ANKUB1: variants seen among roughly 807,000 people sequenced by gnomAD.
ANKUB1 encodes the protein protein ANKUB1.
A neutral mutation model predicts 49.3 loss-of-function variants in ANKUB1; 42 were observed. The ratio of observed to expected loss-of-function variants is 0.85; its 90% CI spans 0.67 to 1.10. ANKUB1 has a LOEUF of 1.10. Among genes scored for constraint, ANKUB1 ranks in the 50% least tolerant of loss-of-function variants. The pLI, the probability that ANKUB1 is intolerant of heterozygous loss-of-function variation, is 0.00. For synonymous variants in ANKUB1, 222 were observed against 231.0 expected (o/e 0.96, Z 0.35); for missense variants, 613 against 642.0 (o/e 0.95, Z 0.49).
intron 4 of ANKUB1, among the ~76,000 whole-genome samples, chr3:149,769,088 A>T (rs1310905024): frequency 6.6e-6 from 1 of 152,218 alleles, no homozygotes; most frequent in Non-Finnish European, 1.5e-5. Context: ...ATATTAGAAT[A>T]TTTTATAAAA....
intron 2 of ANKUB1, among the ~76,000 whole-genome samples, chr3:149,786,751 T>C (rs1159752242): frequency 6.6e-6 from 1 of 152,244 alleles, no homozygotes; most frequent in Admixed American, 6.5e-5. Context: ...CTTGAATTAA[T>C]TTTTGTATAA....
chr3:149,785,776 A>C (rs1445525006), intron 2 of ANKUB1, among the ~76,000 whole-genome samples: 6 of 152,116 alleles, frequency 3.9e-5, no homozygotes, highest in Non-Finnish European at 5.9e-5. Context: ...ATATATACCC[A>C]GTAAAGAGAT....
At chr3:149,772,749 G>A (rs1717421624) in intron 3 of ANKUB1, among the ~76,000 whole-genome samples, 1 of 152,138 alleles carries the variant, frequency 6.6e-6, no homozygotes, top group South Asian at 2.1e-4. Context: ...CTGGCTTATG[G>A]TGGACACTCA....
intron 4 of ANKUB1, 114 bp from the exon 5 acceptor site, chr3:149,768,209 T>C: frequency 1.2e-6 from 1 of 814,316 alleles, no homozygotes; most frequent in Non-Finnish European, 1.8e-6. Flanking sequence ...TCTTCTTAAC[T>C]TTTACCTTAA....
intron 2 of ANKUB1, chr3:149,783,042 T>C (rs551987075): frequency 6.6e-6 from 1 of 152,266 alleles, no homozygotes; most frequent in South Asian, 2.1e-4. Context: ...CAATAATGTA[T>C]CTGGATAATA....
At chr3:149,783,849 A>C (rs554510075) in intron 2 of ANKUB1, 39 of 152,286 alleles carry the variant, frequency 2.6e-4, no homozygotes, top group African/African-American at 9.4e-4. Context: ...GAATTGGAAC[A>C]CCTTTCTTCA....
chr3:149,761,445 T>C lies in ANKUB1; in HGVS notation c.*39A>G, dbSNP rs1391712761. On this transcript the variant is annotated 3_prime_UTR_variant, in exon 6 of 6. Coordinates refer to ENST00000446160, the MANE Select transcript of ANKUB1 (RefSeq NM_001144960.3). ...TAACATTAGAACTGGACATTCTGTTTGATCAGGTCTTTGTCCAAACTGAAG... is the reference window on the plus strand; with the variant it reads ...TAACATTAGAACTGGACATTCTGTTCGATCAGGTCTTTGTCCAAACTGAAG... 1 of 1,547,898 alleles carries C rather than the reference T, an allele frequency of 6.5e-7. No homozygotes were observed. Among genetic ancestry groups the C allele is most frequent in the Non-Finnish European group, 8.7e-7 (1 of 1,144,244 alleles).
chr3:149,768,323 G>A (rs1326376530), intron 4 of ANKUB1, among the ~76,000 whole-genome samples: 1 of 152,136 alleles, frequency 6.6e-6, no homozygotes, highest in Non-Finnish European at 1.5e-5. Context: ...CCTTGAAGTG[G>A]TCATCTTTCT....
chr3:149,770,743 A>C lies in ANKUB1; in HGVS notation c.452-69T>G, dbSNP rs541212324. On this transcript the variant is annotated intron_variant, in intron 3 of 5. Transcript: ENST00000446160. ...TGGTTTGACAATCCATAAAACTTCT[A>C]ATGGTAGCTTTCCCCAAACAGAGGC... 1,234 of 924,530 alleles carry C rather than the reference A, an allele frequency of 1.3e-3. 4 individuals carry two copies. The highest frequency in any genetic ancestry group is 1.6e-3 in the Non-Finnish European group (995 of 620,418). The allele number at this position is 924,530 out of a possible 1,614,324, so 57.3% of individuals were successfully genotyped here.
intron 5 of ANKUB1, among the ~76,000 whole-genome samples, chr3:149,763,210 A>G (rs1249108928): frequency 6.6e-6 from 1 of 152,190 alleles, no homozygotes. Flanking sequence ...TAAGTCTTAA[A>G]GAAATCATTC....
chr3:149,784,299 C>G (rs1461268791), intron 2 of ANKUB1, among the ~76,000 whole-genome samples: 2 of 152,188 alleles, frequency 1.3e-5, no homozygotes, highest in African/African-American at 4.8e-5. Context: ...GAGCCCATTT[C>G]ACGCTCTGAA....
chr3:149,770,482 T>C (rs1717300294), intron 4 of ANKUB1, 78 bp downstream of exon 4: 3 of 1,049,474 alleles, frequency 2.9e-6, no homozygotes, highest in East Asian at 2.6e-5. Context: ...AGTGAGTGAA[T>C]TGCAGGCTCA....
intron 3 of ANKUB1, among the ~76,000 whole-genome samples, chr3:149,774,487 G>T (rs531076099): frequency 1.8e-4 from 27 of 152,276 alleles, no homozygotes; most frequent in African/African-American, 6.5e-4. Flanking sequence ...GATTTTCCTG[G>T]CCTACCTGTT....
intron 5 of ANKUB1, chr3:149,766,877 C>T (rs1717049142): frequency 8.5e-7 from 1 of 1,178,674 alleles, no homozygotes; most frequent in African/African-American, 1.6e-5. Context: ...GCAGCAGCAG[C>T]AGCAAGGGAC....
At chr3:149,769,107 T>A in intron 4 of ANKUB1, among the ~76,000 whole-genome samples, 1 of 152,302 alleles carries the variant, frequency 6.6e-6, no homozygotes. Context: ...AATTGTAAAA[T>A]CTGCTCTTCT....
chr3:149,789,657 T>A (rs1272316886), intron 2 of ANKUB1, among the ~76,000 whole-genome samples: 5 of 139,552 alleles, frequency 3.6e-5, no homozygotes, highest in African/African-American at 1.3e-4. Context: ...CGAGATGGGG[T>A]CTCACTCTGT....
At chr3:149,778,906 A>G (rs1274564219) in intron 3 of ANKUB1, 1 of 152,176 alleles carries the variant, frequency 6.6e-6, no homozygotes, top group Non-Finnish European at 1.5e-5. Flanking sequence ...GAGAACTCAA[A>G]TTTCATTGCA....
At chr3:149,770,700 G>T in intron 3 of ANKUB1, 26 bp from the exon 4 acceptor site, 2 of 1,426,936 alleles carry the variant, frequency 1.4e-6, no homozygotes, top group East Asian at 2.5e-5. Context: ...GGTGGTTTAT[G>T]GTTCCAGTCC....
intron 5 of ANKUB1, among the ~76,000 whole-genome samples, chr3:149,764,236 G>C (rs1460245026): frequency 1.3e-5 from 2 of 152,162 alleles, no homozygotes; most frequent in Non-Finnish European, 2.9e-5. Context: ...ACTTCAGGTA[G>C]ATGTAAGTGC....
Sources: allele counts gnomAD v4.1 joint callset (sites outside exome capture counted in the v4.1 genomes callset), GRCh38; gene constraint gnomAD v4.1.1; transcripts MANE v1.5; gene names NCBI Gene and HGNC (gene_info 2026-07-23, HGNC 2026-07-21).